The following TENM2 variants were observed in gnomAD, a reference collection of about 807,000 sequenced individuals.
TENM2 encodes the protein teneurin-2.
A neutral mutation model predicts 245.2 loss-of-function variants in TENM2; 52 were observed. The observed-to-expected ratio is 0.21, with a 90% CI of 0.17 to 0.27. The LOEUF is 0.27. Among genes scored for constraint, TENM2 ranks in the 10% least tolerant of loss-of-function variants. The pLI, the probability that TENM2 is intolerant of heterozygous loss-of-function variation, is 1.00. For synonymous variants in TENM2, 1,363 were observed against 1,438.9 expected (o/e 0.95, Z 1.19); for missense variants, 3,046 against 3,666.8 (o/e 0.83, Z 4.37).
chr5:166,982,504 G>A, the TENM2 span, among the ~76,000 whole-genome samples: 1 of 152,006 alleles, frequency 6.6e-6, no homozygotes, highest in Non-Finnish European at 1.5e-5. Flanking sequence ...TCATTTCCAA[G>A]GGCCTTTTTG....
intron 13 of TENM2, among the ~76,000 whole-genome samples, chr5:168,181,346 A>T (rs1195654722): frequency 1.3e-5 from 2 of 152,208 alleles, no homozygotes; most frequent in African/African-American, 2.4e-5. Flanking sequence ...ACAGTCTATT[A>T]AAGAGAGGCC....
intron 3 of TENM2, among the ~76,000 whole-genome samples, chr5:167,887,572 T>C (rs560553871): frequency 1.3e-5 from 2 of 152,356 alleles, no homozygotes; most frequent in Non-Finnish European, 2.9e-5. Context: ...TTGTCTAACC[T>C]GCGTCTTCCT....
chr5:167,887,094 A>G (rs939407944), intron 3 of TENM2, among the ~76,000 whole-genome samples: 2 of 152,232 alleles, frequency 1.3e-5, no homozygotes, highest in African/African-American at 4.8e-5. Context: ...CACAGGTACC[A>G]TCATTTCCTC....
chr5:168,103,552 T>G (rs1793991828), intron 9 of TENM2, among the ~76,000 whole-genome samples: 1 of 152,104 alleles, frequency 6.6e-6, no homozygotes. Flanking sequence ...TTTTGTGGAG[T>G]GTCTCTCGGT....
intron 2 of TENM2, among the ~76,000 whole-genome samples, chr5:167,710,517 C>T (rs1351060913): frequency 6.6e-6 from 1 of 152,002 alleles, no homozygotes; most frequent in African/African-American, 2.4e-5. Flanking sequence ...GCCAGATGAA[C>T]GACAAGAGAG....
intron 2 of TENM2, among the ~76,000 whole-genome samples, chr5:167,438,205 T>TA (rs1349523773): frequency 2.6e-5 from 4 of 152,344 alleles, no homozygotes; most frequent in African/African-American, 9.6e-5. Context: ...ATGAACTATG[T>TA]ACTTTTTTCC....
intron 2 of TENM2, among the ~76,000 whole-genome samples, chr5:167,638,090 G>GGTGTGTGTGT (rs70976439): frequency 1.5e-5 from 2 of 137,612 alleles, no homozygotes; most frequent in Non-Finnish European, 3.1e-5. Flanking sequence ...GAACAGGGCA[G>GGTGTGTGTGT]GTGTGTGTGT....
chr5:167,494,422 T>C (rs1389072326), intron 2 of TENM2, among the ~76,000 whole-genome samples: 3 of 152,098 alleles, frequency 2.0e-5, no homozygotes, highest in African/African-American at 7.2e-5. Flanking sequence ...GGAGGTAATA[T>C]AATCAAATGT....
chr5:168,173,925 T>C (rs1424128075), intron 13 of TENM2, among the ~76,000 whole-genome samples: 1 of 152,154 alleles, frequency 6.6e-6, no homozygotes, highest in Non-Finnish European at 1.5e-5. Context: ...GAACGGCAAA[T>C]GCACAGAGGC....
At chr5:167,817,329 T>A (rs1767136304) in intron 2 of TENM2, among the ~76,000 whole-genome samples, 1 of 152,194 alleles carries the variant, frequency 6.6e-6, no homozygotes, top group Non-Finnish European at 1.5e-5. Flanking sequence ...AATAACTGCA[T>A]GTTCAAGATA....
At chr5:167,189,023 C>A in the TENM2 span, among the ~76,000 whole-genome samples, 3 of 152,004 alleles carry the variant, frequency 2.0e-5, no homozygotes, top group South Asian at 6.2e-4. Flanking sequence ...TCCTGTTATC[C>A]TCTATTCATT....
At chr5:167,693,668 A>T (rs1359692739) in intron 2 of TENM2, among the ~76,000 whole-genome samples, 1 of 150,792 alleles carries the variant, frequency 6.6e-6, no homozygotes, top group Admixed American at 6.6e-5. Context: ...ATTAAGGCAG[A>T]GGTTATTAAG....
At chr5:167,817,051 A>G (rs1443617226) in intron 2 of TENM2, among the ~76,000 whole-genome samples, 3 of 152,192 alleles carry the variant, frequency 2.0e-5, no homozygotes, top group Non-Finnish European at 4.4e-5. Flanking sequence ...AAGGACTCGT[A>G]ATTCATGTTC....
intron 2 of TENM2, among the ~76,000 whole-genome samples, chr5:167,743,813 T>C (rs1234981092): frequency 1.3e-5 from 2 of 152,192 alleles, no homozygotes; most frequent in East Asian, 3.9e-4. Flanking sequence ...AAGTAGATCT[T>C]TTAATCAGCC....
intron 2 of TENM2, among the ~76,000 whole-genome samples, chr5:167,438,020 T>C (rs1764662872): frequency 6.6e-6 from 1 of 152,218 alleles, no homozygotes; most frequent in African/African-American, 2.4e-5. Context: ...TCTCCCAAAA[T>C]ATAATTTAAT....
At chr5:167,710,784 A>T (rs1207592979) in intron 2 of TENM2, among the ~76,000 whole-genome samples, 1 of 152,226 alleles carries the variant, frequency 6.6e-6, no homozygotes, top group Non-Finnish European at 1.5e-5. Flanking sequence ...TCAAGCTTGT[A>T]TCTACTACAG....
intron 2 of TENM2, among the ~76,000 whole-genome samples, chr5:167,477,388 A>G (rs1767460308): frequency 6.6e-6 from 1 of 152,148 alleles, no homozygotes; most frequent in African/African-American, 2.4e-5. Context: ...ACAAAAATGC[A>G]TAAACATTAT....
At chr5:167,057,117 A>G in the TENM2 span, among the ~76,000 whole-genome samples, 1 of 152,116 alleles carries the variant, frequency 6.6e-6, no homozygotes, top group Non-Finnish European at 1.5e-5. Flanking sequence ...CAGTCTACTA[A>G]TGGGCCAGTT....
intron 2 of TENM2, among the ~76,000 whole-genome samples, chr5:167,772,862 ACTTCCTAAATATGATTTAATT>A (rs1763493712): frequency 6.6e-6 from 1 of 152,192 alleles, no homozygotes; most frequent in African/African-American, 2.4e-5. Context: ...ACGGAAGGAG[ACTTCCTAAATATGATTTAATT>A]CTTTTCTTTC....
Sources: allele counts gnomAD v4.1 joint callset (sites outside exome capture counted in the v4.1 genomes callset), GRCh38; gene constraint gnomAD v4.1.1; transcripts MANE v1.5; gene names NCBI Gene and HGNC (gene_info 2026-07-23, HGNC 2026-07-21).